Variants in GPC6 observed in about 807,000 individuals in gnomAD.
The protein encoded by GPC6 is glypican 6, also known as glypican-6.
GPC6 carries 14 observed loss-of-function variants against 55.2 expected under a neutral mutation model. The observed-to-expected ratio is 0.25, with a 90% CI of 0.17 to 0.40. GPC6 has a LOEUF of 0.40. Among genes scored for constraint, GPC6 ranks in the 10% least tolerant of loss-of-function variants. The probability of loss-of-function intolerance (pLI) is 1.00; values close to 1 mark genes in which losing one functional copy is unlikely to be tolerated. For missense variants in GPC6, 641 were observed against 708.5 expected (o/e 0.90, Z 1.08); for synonymous variants, 278 against 259.6 (o/e 1.07, Z -0.68).
chr13:93,683,352 G>T (rs1166729755), intron 2 of GPC6, among the ~76,000 whole-genome samples: 1 of 151,796 alleles, frequency 6.6e-6, no homozygotes, highest in Non-Finnish European at 1.5e-5. Flanking sequence ...GTTCCACAGT[G>T]ACCTCTTTGA....
intron 4 of GPC6, among the ~76,000 whole-genome samples, chr13:94,119,991 A>G (rs1278211966): frequency 6.6e-6 from 1 of 152,114 alleles, no homozygotes; most frequent in African/African-American, 2.4e-5. Flanking sequence ...AAGAGCATAG[A>G]TGATATAGTA....
chr13:94,377,240 C>G (rs1397009461), intron 6 of GPC6, among the ~76,000 whole-genome samples: 4 of 149,788 alleles, frequency 2.7e-5, no homozygotes, highest in African/African-American at 9.8e-5. Context: ...AAAGAAACTA[C>G]CATCAGAGTG....
intron 3 of GPC6, among the ~76,000 whole-genome samples, chr13:93,990,956 G>A (rs955412275): frequency 5.5e-5 from 8 of 146,740 alleles, no homozygotes; most frequent in African/African-American, 2.1e-4. Context: ...AAGGAAGGAA[G>A]GAAAGAAGGA....
At chr13:93,362,750 A>C (rs1398823654) in intron 1 of GPC6, among the ~76,000 whole-genome samples, 2 of 152,150 alleles carry the variant, frequency 1.3e-5, no homozygotes, top group African/African-American at 4.8e-5. Flanking sequence ...CTGATGTTCT[A>C]ACTTGCTTTA....
At chr13:93,607,287 A>G (rs961927655) in intron 2 of GPC6, among the ~76,000 whole-genome samples, 1 of 152,246 alleles carries the variant, frequency 6.6e-6, no homozygotes, top group Non-Finnish European at 1.5e-5. Flanking sequence ...GGGAGCAAAA[A>G]TAACTGGATA....
intron 3 of GPC6, among the ~76,000 whole-genome samples, chr13:94,005,441 T>C (rs1353861422): frequency 2.0e-5 from 3 of 152,212 alleles, no homozygotes; most frequent in African/African-American, 7.2e-5. Context: ...TAAGTACTTA[T>C]TCAAGTCTTT....
intron 2 of GPC6, among the ~76,000 whole-genome samples, chr13:93,826,717 G>A (rs1428951451): frequency 2.6e-5 from 4 of 152,182 alleles, no homozygotes; most frequent in South Asian, 4.1e-4. Context: ...TTGTCCCGGT[G>A]TGCCATCTTA....
chr13:93,625,899 C>A (rs1879180935), intron 2 of GPC6, among the ~76,000 whole-genome samples: 1 of 152,006 alleles, frequency 6.6e-6, no homozygotes, highest in South Asian at 2.1e-4. Context: ...GCATTGCTGT[C>A]CTCATTGTGG....
chr13:93,591,154 C>CAAAAAAAAAAAAAA (rs759879838), intron 2 of GPC6, among the ~76,000 whole-genome samples: 1 of 67,078 alleles, frequency 1.5e-5, no homozygotes, highest in African/African-American at 4.0e-5. Flanking sequence ...TCTAATAAAG[C>CAAAAAAAAAAAAAA]AAAAGAAAAA....
chr13:94,345,715 C>T (rs1878253601), intron 6 of GPC6, among the ~76,000 whole-genome samples: 1 of 152,166 alleles, frequency 6.6e-6, no homozygotes, highest in South Asian at 2.1e-4. Flanking sequence ...AGGGCTGGCT[C>T]CTGGACATAT....
chr13:93,447,940 A>G (rs1381058971), intron 1 of GPC6, among the ~76,000 whole-genome samples: 1 of 152,224 alleles, frequency 6.6e-6, no homozygotes. Flanking sequence ...GCCGCTGTTC[A>G]TAAATAATGT....
intron 6 of GPC6, among the ~76,000 whole-genome samples, chr13:94,340,187 A>ACTT (rs1160388720): frequency 1.3e-5 from 2 of 152,192 alleles, no homozygotes; most frequent in Admixed American, 1.3e-4. Flanking sequence ...ACTGGGAGAA[A>ACTT]CTTAAAACTC....
intron 3 of GPC6, among the ~76,000 whole-genome samples, chr13:93,980,968 G>T (rs1880776983): frequency 6.6e-6 from 1 of 152,210 alleles, no homozygotes; most frequent in South Asian, 2.1e-4. Context: ...TAGAGAATGT[G>T]ACCAACAACA....
Position 93,443,919 on chromosome 13 carries a change from T to G in GPC6, c.161-101344T>G, listed in dbSNP as rs73554705. Among the ~76,000 whole-genome samples, 599 of 152,320 alleles carry G rather than the reference T, an allele frequency of 3.9e-3. 9 individuals carry two copies. Among genetic ancestry groups the G allele is most frequent in the African/African-American group, 0.014 (580 of 41,588 alleles). On this transcript the variant is annotated intron_variant, in intron 1 of 8. Transcript: ENST00000377047. ...AATAAGTGCTTTGTAAAACAGTGCT[T>G]TCGCCAATGTAAAAATAGAAATCAT...
intron 1 of GPC6, among the ~76,000 whole-genome samples, chr13:93,377,580 G>A (rs546369907): frequency 5.3e-5 from 8 of 152,180 alleles, no homozygotes; most frequent in Non-Finnish European, 8.8e-5. Flanking sequence ...TAGAGCCCTC[G>A]TTGTTGGCAG....
chr13:94,241,044 G>A (rs1450877036), intron 4 of GPC6, among the ~76,000 whole-genome samples: 1 of 152,152 alleles, frequency 6.6e-6, no homozygotes. Context: ...ATTAGAAGGT[G>A]GAGCTTTTGA....
chr13:93,289,553 G>A (rs558625477), intron 1 of GPC6, among the ~76,000 whole-genome samples: 48 of 152,070 alleles, frequency 3.2e-4, no homozygotes, highest in African/African-American at 9.9e-4. Context: ...TTTATATGCC[G>A]AAATTACTAA....
chr13:94,006,806 G>C (rs1157489194), intron 3 of GPC6, among the ~76,000 whole-genome samples: 1 of 152,102 alleles, frequency 6.6e-6, no homozygotes, highest in African/African-American at 2.4e-5. Flanking sequence ...GTAGTTTCAA[G>C]TTTTAAAGGA....
chr13:93,889,049 G>T (rs989175711), intron 3 of GPC6, among the ~76,000 whole-genome samples: 2 of 152,168 alleles, frequency 1.3e-5, no homozygotes, highest in Admixed American at 6.6e-5. Context: ...CCATTAAAAT[G>T]ACATCAAATA....
Sources: gnomAD v4.1 joint callset for allele counts (sites outside exome capture counted in the v4.1 genomes callset) on GRCh38, gnomAD v4.1.1 for gene constraint, MANE v1.5 for transcripts, NCBI Gene and HGNC (gene_info 2026-07-23, HGNC 2026-07-21) for gene names.